The following TGM5 variants were observed in gnomAD, a reference collection of about 807,000 sequenced individuals.
The protein encoded by TGM5 is protein-glutamine gamma-glutamyltransferase 5.
Under a neutral mutation model 77.2 loss-of-function variants are expected in TGM5, and 69 were observed. That is an observed-to-expected ratio of 0.89 (90% CI 0.74 to 1.09). The LOEUF (loss-of-function observed/expected upper bound fraction) is 1.09. Among genes scored for constraint, TGM5 ranks in the 50% least tolerant of loss-of-function variants. TGM5 has a pLI of 0.00. For missense variants in TGM5, 842 were observed against 896.5 expected (o/e 0.94, Z 0.78); for synonymous variants, 346 against 351.8 (o/e 0.98, Z 0.18).
chr15:43,252,709 A>G, intron 6 of TGM5, 50 bp downstream of exon 6: 2 of 1,604,276 alleles, frequency 1.2e-6, no homozygotes, highest in Non-Finnish European at 1.7e-6. Context: ...AGGCTCATAC[A>G]TGAGCGGCTA....
intron 1 of TGM5, among the ~76,000 whole-genome samples, chr15:43,265,383 C>T (rs1184424160): frequency 6.6e-6 from 1 of 152,204 alleles, no homozygotes; most frequent in African/African-American, 2.4e-5. Context: ...CTTTGGAGAC[C>T]AATTTATTAG....
chr15:43,258,930 G>A (rs899656765), intron 3 of TGM5, among the ~76,000 whole-genome samples: 24 of 152,186 alleles, frequency 1.6e-4, no homozygotes, highest in African/African-American at 5.3e-4. Flanking sequence ...CCATGGCAGG[G>A]TCTCTCCACC....
chr15:43,264,168 C>T (rs778141222), intron 1 of TGM5, among the ~76,000 whole-genome samples: 5 of 152,146 alleles, frequency 3.3e-5, no homozygotes, highest in Non-Finnish European at 7.4e-5. Context: ...AAATTGGAAT[C>T]CTCATACATT....
rs889437066 is a variant in TGM5 at position 43,233,127 on chromosome 15, G to A, written c.*64C>T. 48 of 1,599,112 alleles carry A rather than the reference G, an allele frequency of 3.0e-5. No individual in the cohort carries two copies. The highest frequency in any genetic ancestry group is 4.0e-5 in the African/African-American group (3 of 74,668). ...GTTGTGGTGGGGAATGGCGCAGCTT[G>A]CATTTGAACTTGCTCCTTTTCCTGA... On this transcript the variant is annotated 3_prime_UTR_variant, in exon 13 of 13. Transcript: ENST00000220420.
intron 6 of TGM5, among the ~76,000 whole-genome samples, chr15:43,242,059 C>T (rs1160752910): frequency 6.6e-6 from 1 of 150,484 alleles, no homozygotes; most frequent in Non-Finnish European, 1.5e-5. Flanking sequence ...TATCTACCAG[C>T]TGGGCATAGT....
At chr15:43,243,038 GTCAA>G (rs1212655696) in intron 6 of TGM5, among the ~76,000 whole-genome samples, 1 of 152,192 alleles carries the variant, frequency 6.6e-6, no homozygotes, top group African/African-American at 2.4e-5. Context: ...CACCTGAAGT[GTCAA>G]TAGTGGTGTC....
Position 43,260,135 on chromosome 15 carries a change from T to C in TGM5, c.353A>G (p.Lys118Arg). 6.2e-7 allele frequency: 1 copy of C among 1,614,132 alleles called. No individual in the cohort carries two copies. The highest frequency in any genetic ancestry group is 1.1e-5 in the South Asian group (1 of 91,074). Residue 118 changes from lysine (K) to arginine (R), a missense_variant, in exon 3 of 13, where the codon AAA (lysine) becomes AGA (arginine). Lys to Arg is a conservative substitution (Grantham distance 26). Transcript: ENST00000220420. Reference sequence around the variant, plus strand: ...CCCCTGGAAGGAGTCGATGTGGATTTTCAAGAGGTACCGACCCACGGCCGC... The same window carrying C: ...CCCCTGGAAGGAGTCGATGTGGATTCTCAAGAGGTACCGACCCACGGCCGC... ...PTAAVGRYLLKIHIDSFQGSV... is the reference protein window; with the variant it reads ...PTAAVGRYLLRIHIDSFQGSV...
At position 43,252,803 on chromosome 15, in the gene TGM5, A is replaced by T. The variant is rs1440429440; in HGVS notation, c.818T>A (p.Val273Glu). The T allele has an allele frequency of 1.2e-6, 2 of 1,614,058 alleles. No individual in the cohort carries two copies. Among genetic ancestry groups the T allele is most frequent in the Non-Finnish European group, 8.5e-7 (1 of 1,180,012 alleles). ...KQWNATGCQP[V>E]RYGQCWVFAA... ...AAAGACCCAGCATTGCCCGTAGCGCACGGGCTGGCAGCCTGTGGCGTTCCA... is the reference window on the plus strand; with the variant it reads ...AAAGACCCAGCATTGCCCGTAGCGCTCGGGCTGGCAGCCTGTGGCGTTCCA... The change falls in exon 6 of 13, where the codon GTG becomes GAG. Residue 273 changes from valine (V) to glutamate (E), a missense_variant. By Grantham distance (121) the Val-to-Glu change is moderately radical (BLOSUM62 -2). Around this residue, in one of 2 missense-constraint regions of TGM5, gnomAD observed 815 missense variants for 844.6 expected, o/e 0.96. Transcript: ENST00000220420.
intron 1 of TGM5, among the ~76,000 whole-genome samples, chr15:43,264,750 A>G (rs2042813511): frequency 6.6e-6 from 1 of 152,210 alleles, no homozygotes; most frequent in African/African-American, 2.4e-5. Context: ...GACTTTATAA[A>G]GCTGAACTTG....
chr15:43,233,772 G>GC, intron 11 of TGM5, 85 bp from the exon 12 acceptor site: 1 of 1,515,600 alleles, frequency 6.6e-7, no homozygotes, highest in South Asian at 1.2e-5. Context: ...CTGTAAGGTG[G>GC]CAGGATATGC....
rs543985532 is a variant in TGM5 at position 43,264,994 on chromosome 15, T to C, written c.10+1846A>G. On this transcript the variant is annotated intron_variant, in intron 1 of 12. Transcript: ENST00000220420. ...ATTTGCTAGGTTGAATAGAATTCTC[T>C]ATCTTTTGCAAAATCACCCTGTACG... Among the ~76,000 whole-genome samples, 3 of 152,352 alleles carry C rather than the reference T, an allele frequency of 2.0e-5. No individual in the cohort carries two copies. The East Asian group carries it at 5.8e-4, about 29-fold the overall frequency.
intron 4 of TGM5, among the ~76,000 whole-genome samples, chr15:43,255,151 T>C (rs1460094301): frequency 1.3e-5 from 2 of 151,970 alleles, no homozygotes; most frequent in Non-Finnish European, 2.9e-5. Flanking sequence ...CTGGGCAATA[T>C]AGTGAGACCT....
chr15:43,266,467 C>A (rs1448622324), intron 1 of TGM5, among the ~76,000 whole-genome samples: 2 of 152,166 alleles, frequency 1.3e-5, no homozygotes, highest in African/African-American at 2.4e-5. Flanking sequence ...CTGGTCCAAT[C>A]CCTCCTTTTT....
chr15:43,241,101 A>G (rs2042633061), intron 6 of TGM5, 111 bp from the exon 7 acceptor site: 5 of 1,409,442 alleles, frequency 3.5e-6, no homozygotes, highest in African/African-American at 1.4e-5. Context: ...ATCTGCAGGA[A>G]CATGCTGGAG....
At position 43,245,874 on chromosome 15, in the gene TGM5, G is replaced by T. The variant is rs143856340; in HGVS notation, c.863-4884C>A. Among the ~76,000 whole-genome samples the T allele has an allele frequency of 4.9e-5, 7 of 144,042 alleles. No individual in the cohort carries two copies. The East Asian group carries it at 1.6e-3, about 32-fold the overall frequency. 94.5% of individuals were successfully genotyped at this position (144,042 alleles called of 152,430 possible). On this transcript the variant is annotated intron_variant, in intron 6 of 12. Transcript: ENST00000220420. The stretch of plus-strand genomic sequence containing the variant: ...TGCTCTGTGGCTCTGTGGCAGATTT[G>T]TAAGGGTTATCTGTGTGTGTGTGTT...
chr15:43,265,126 C>T (rs1411361622), intron 1 of TGM5, among the ~76,000 whole-genome samples: 3 of 152,190 alleles, frequency 2.0e-5, no homozygotes, highest in Non-Finnish European at 4.4e-5. Flanking sequence ...ATCTTCATCG[C>T]ATCCTTGCAG....
At chr15:43,252,987 T>G (rs747169303) in intron 5 of TGM5, 51 bp from the exon 6 acceptor site, 24 of 1,594,428 alleles carry the variant, frequency 1.5e-5, no homozygotes, top group African/African-American at 4.0e-5. Flanking sequence ...TTCCTCAACA[T>G]GCCATGTGTG....
chr15:43,239,199 G>A lies in TGM5; in HGVS notation c.1069C>T (p.Gln357Ter). Residue 357 changes from glutamine to a stop codon, truncating the protein, a stop_gained, in exon 8 of 13, where the codon CAG becomes TAG. Coordinates refer to ENST00000220420, the MANE Select transcript of TGM5 (RefSeq NM_201631.4). LOFTEE classifies it high-confidence loss of function. Reference sequence around the variant, plus strand: ...TCCTGAGGTGTGGCGTCCAGCACCTGCCAGCCTCCATATGCAGGGGGCAGA... The same window carrying A: ...TCCTGAGGTGTGGCGTCCAGCACCTACCAGCCTCCATATGCAGGGGGCAGA... ...KDLPPAYGGW[Q>*]VLDATPQEMS... 1 of 1,614,112 alleles carries A rather than the reference G, an allele frequency of 6.2e-7. No homozygotes were observed. Among genetic ancestry groups the A allele is most frequent in the Non-Finnish European group, 8.5e-7 (1 of 1,180,016 alleles).
intron 7 of TGM5, 93 bp downstream of exon 7, chr15:43,240,759 C>T (rs1452389269): frequency 6.4e-6 from 10 of 1,559,186 alleles, no homozygotes; most frequent in East Asian, 2.2e-5. Flanking sequence ...AGGGGAGGGA[C>T]CAGGCTCATG....
Sources: allele counts gnomAD v4.1 joint callset (sites outside exome capture counted in the v4.1 genomes callset), GRCh38; gene constraint gnomAD v4.1.1; regional missense constraint gnomAD v4.1.1; transcripts MANE v1.5; gene names NCBI Gene and HGNC (gene_info 2026-07-23, HGNC 2026-07-21).